SLC39A9: variants seen among roughly 807,000 people sequenced by gnomAD.
SLC39A9 encodes solute carrier family 39 member 9, also known as zinc transporter ZIP9.
SLC39A9 carries 14 observed loss-of-function variants against 28.4 expected under a neutral mutation model. That is an observed-to-expected ratio of 0.49 (90% CI 0.33 to 0.77). SLC39A9 has a LOEUF of 0.77. SLC39A9 is among the 30% of genes least tolerant of loss of function. The pLI is 0.02. For synonymous variants in SLC39A9, 119 were observed against 149.6 expected (o/e 0.80, Z 1.49); for missense variants, 283 against 381.1 (o/e 0.74, Z 2.14).
chr14:69,418,671 G>A (rs911395832), intron 1 of SLC39A9, among the ~76,000 whole-genome samples: 2 of 151,466 alleles, frequency 1.3e-5, no homozygotes, highest in Non-Finnish European at 2.9e-5. Context: ...ATTAATTATT[G>A]CCTCAGTTTC....
chr14:69,425,429 T>C (rs1338008789), intron 2 of SLC39A9, among the ~76,000 whole-genome samples: 1 of 152,110 alleles, frequency 6.6e-6, no homozygotes, highest in Non-Finnish European at 1.5e-5. Flanking sequence ...TGTCTGATAA[T>C]GAAAATTCCT....
rs116130800 is a variant in SLC39A9, at chr14:69,412,879, C to T, written c.97-11215C>T. On this transcript the variant is annotated intron_variant, in intron 1 of 6. Transcript: ENST00000336643. ...AAAACAATACAATAGTTTTACCTCACGCTGCCTTTCTTCGAAGGAAATACT... is the reference window on the plus strand; with the variant it reads ...AAAACAATACAATAGTTTTACCTCATGCTGCCTTTCTTCGAAGGAAATACT... 8.7e-3 allele frequency among the ~76,000 whole-genome samples: 1,323 copies of T among 152,274 alleles called. 27 individuals carry two copies. Among genetic ancestry groups the T allele is most frequent in the African/African-American group, 0.031 (1,280 of 41,562 alleles).
intron 1 of SLC39A9, among the ~76,000 whole-genome samples, chr14:69,414,313 T>C (rs1165136529): frequency 6.6e-6 from 1 of 152,210 alleles, no homozygotes; most frequent in Non-Finnish European, 1.5e-5. Context: ...TAGTTTTTCA[T>C]GTGACCCTAG....
intron 3 of SLC39A9, 123 bp from the exon 4 acceptor site, chr14:69,453,118 T>G: frequency 1.4e-6 from 1 of 731,538 alleles, no homozygotes; most frequent in East Asian, 2.7e-5. Context: ...GGGCGGATCA[T>G]TGGAGGTCAG....
chr14:69,456,753 A>G (rs1206051611), intron 6 of SLC39A9, among the ~76,000 whole-genome samples: 2 of 152,168 alleles, frequency 1.3e-5, no homozygotes, highest in Non-Finnish European at 2.9e-5. Context: ...CACCCTCTCT[A>G]AAGGTCATTG....
rs1886094496 is a variant in SLC39A9, at chr14:69,461,149, A to G, written c.*2556A>G. On this transcript the variant is annotated 3_prime_UTR_variant, in exon 7 of 7. Transcript: ENST00000336643. The stretch of plus-strand genomic sequence containing the variant: ...ATGATTACAGATGGAATTATTGGCT[A>G]CCAAAGAGACGCAATTGATGATGAG... 1 of 987,188 alleles carries G rather than the reference A, an allele frequency of 1.0e-6. No individual in the cohort carries two copies. Among genetic ancestry groups the G allele is most frequent in the Non-Finnish European group, 1.2e-6 (1 of 831,168 alleles). The allele number at this position is 987,188 out of a possible 1,614,324, so 61.2% of individuals were successfully genotyped here.
chr14:69,461,859 C>A lies in SLC39A9; in HGVS notation c.*3266C>A. The stretch of plus-strand genomic sequence containing the variant: ...CCCCTTGGGAGACTGAGAATCATGA[C>A]CAGATTCATCCAGAACTGCTGCAGT... On this transcript the variant is annotated 3_prime_UTR_variant, in exon 7 of 7. Transcript: ENST00000336643. 1 of 925,744 alleles carries A rather than the reference C, an allele frequency of 1.1e-6. No individual in the cohort carries two copies. The highest frequency in any genetic ancestry group is 1.6e-6 in the Non-Finnish European group (1 of 631,098). The allele number at this position is 925,744 out of a possible 1,614,324, so 57.3% of individuals were successfully genotyped here.
chr14:69,442,397 T>A, intron 3 of SLC39A9, 131 bp downstream of exon 3: 1 of 858,326 alleles, frequency 1.2e-6, no homozygotes. Context: ...TGGGTTCTAG[T>A]GAACATTTAA....
In SLC39A9 at chr14:69,455,775, G is replaced by C; in HGVS notation, c.602G>C (p.Gly201Ala). 6.2e-7 allele frequency: 1 copy of C among 1,614,198 alleles called. No homozygotes were observed. Among genetic ancestry groups the C allele is most frequent in the Non-Finnish European group, 8.5e-7 (1 of 1,180,042 alleles). The change falls in exon 6 of 7, where the codon GGC becomes GCC. Residue 201 changes from glycine (G) to alanine (A), a missense_variant. Gly to Ala is a moderately conservative substitution (Grantham distance 60, BLOSUM62 0). Transcript: ENST00000336643. ...CTGGTTTCCTTCTTGATGCATGCTG[G>C]CTTAGAGCGGAATCGAATCAGAAAG... ...FGLVSFLMHA[G>A]LERNRIRKHL...
At chr14:69,427,972 A>G (rs1884285689) in intron 2 of SLC39A9, among the ~76,000 whole-genome samples, 1 of 152,162 alleles carries the variant, frequency 6.6e-6, no homozygotes, top group Admixed American at 6.6e-5. Flanking sequence ...TGATAAAATC[A>G]TTGATGGTTT....
chr14:69,457,291 C>G (rs1885912449), intron 6 of SLC39A9, among the ~76,000 whole-genome samples: 1 of 152,100 alleles, frequency 6.6e-6, no homozygotes, highest in Non-Finnish European at 1.5e-5. Flanking sequence ...CAACCTCTGC[C>G]TCCCAGGTTC....
intron 2 of SLC39A9, among the ~76,000 whole-genome samples, chr14:69,426,834 C>T (rs1884218428): frequency 6.6e-6 from 1 of 152,114 alleles, no homozygotes; most frequent in Admixed American, 6.5e-5. Flanking sequence ...AATATATACA[C>T]ATAACGTTTG....
At chr14:69,422,584 G>A (rs942907415) in intron 1 of SLC39A9, among the ~76,000 whole-genome samples, 2 of 151,772 alleles carry the variant, frequency 1.3e-5, no homozygotes, top group African/African-American at 4.8e-5. Flanking sequence ...TCTCCTTGCC[G>A]GTTTTTTTGT....
chr14:69,416,419 C>G (rs1883583539), intron 1 of SLC39A9, among the ~76,000 whole-genome samples: 1 of 152,152 alleles, frequency 6.6e-6, no homozygotes, highest in Non-Finnish European at 1.5e-5. Context: ...GTGAATAGTG[C>G]TGCAATAAAC....
At chr14:69,400,346 T>C (rs1354438197) in intron 1 of SLC39A9, among the ~76,000 whole-genome samples, 1 of 152,214 alleles carries the variant, frequency 6.6e-6, no homozygotes, top group Non-Finnish European at 1.5e-5. Context: ...GTTAATTTGA[T>C]TGGCACCTTG....
intron 2 of SLC39A9, chr14:69,429,338 T>C (rs1311970726): frequency 6.6e-6 from 1 of 152,192 alleles, no homozygotes; most frequent in Non-Finnish European, 1.5e-5. Context: ...TGTGTATCAA[T>C]AGTTTGTACC....
chr14:69,405,227 G>A lies in SLC39A9; in HGVS notation c.96+5762G>A, dbSNP rs181879066. On this transcript the variant is annotated intron_variant, in intron 1 of 6. Coordinates refer to ENST00000336643, the MANE Select transcript of SLC39A9 (RefSeq NM_018375.5). ...ATATCAGTGTCTGATTATAATAACT[G>A]ACTCATTCATAATAAGTATCTTTAG... Among the ~76,000 whole-genome samples, 5 of 152,216 alleles carry A rather than the reference G, an allele frequency of 3.3e-5. No individual in the cohort carries two copies. The East Asian group carries it at 7.7e-4, about 23-fold the overall frequency.
At chr14:69,437,956 T>C (rs1234176705) in intron 2 of SLC39A9, among the ~76,000 whole-genome samples, 1 of 152,008 alleles carries the variant, frequency 6.6e-6, no homozygotes, top group East Asian at 1.9e-4. Context: ...TACTGATGAG[T>C]TTAGACATAT....
intron 1 of SLC39A9, among the ~76,000 whole-genome samples, chr14:69,411,596 T>TATTAA (rs2140255725): frequency 6.6e-6 from 1 of 152,284 alleles, no homozygotes; most frequent in East Asian, 1.9e-4. Flanking sequence ...TCCATTTAAA[T>TATTAA]AAACTTTTTA....
Sources: allele counts gnomAD v4.1 joint callset (sites outside exome capture counted in the v4.1 genomes callset), GRCh38; gene constraint gnomAD v4.1.1; transcripts MANE v1.5; gene names NCBI Gene and HGNC (gene_info 2026-07-23, HGNC 2026-07-21).